The following UBTD1 variants were observed in gnomAD, a reference collection of about 807,000 sequenced individuals.
The protein encoded by UBTD1 is ubiquitin domain-containing protein 1.
In UBTD1, 19 loss-of-function variants were observed where a neutral mutation model predicts 21.7. The observed-to-expected ratio is 0.87, with a 90% CI of 0.61 to 1.28. The LOEUF (loss-of-function observed/expected upper bound fraction) is 1.28. Among genes scored for constraint, UBTD1 ranks in the 50% most tolerant of loss-of-function variants. The probability of loss-of-function intolerance (pLI) is 0.00; values close to 1 mark genes in which losing one functional copy is unlikely to be tolerated. For synonymous variants in UBTD1, 116 were observed against 135.1 expected (o/e 0.86, Z 0.98); for missense variants, 282 against 315.1 (o/e 0.89, Z 0.80).
chr10:97,511,308 G>T (rs1010578805), intron 1 of UBTD1, among the ~76,000 whole-genome samples: 3 of 152,138 alleles, frequency 2.0e-5, no homozygotes, highest in Non-Finnish European at 2.9e-5. Context: ...GAGGTTCAGT[G>T]ATGTTAACTG....
At chr10:97,514,747 T>A (rs1393156978) in intron 1 of UBTD1, among the ~76,000 whole-genome samples, 1 of 152,058 alleles carries the variant, frequency 6.6e-6, no homozygotes, top group African/African-American at 2.4e-5. Flanking sequence ...GGAGGGGAAT[T>A]TTGCACCGTT....
chr10:97,555,139 G>T (rs2040658074), intron 1 of UBTD1, among the ~76,000 whole-genome samples: 2 of 152,172 alleles, frequency 1.3e-5, no homozygotes, highest in Non-Finnish European at 1.5e-5. Context: ...AGAGGCAGAA[G>T]TCCCATACCC....
intron 1 of UBTD1, among the ~76,000 whole-genome samples, chr10:97,514,554 A>C (rs2040436339): frequency 6.6e-6 from 1 of 152,186 alleles, no homozygotes; most frequent in Admixed American, 6.5e-5. Context: ...CACGTTGTTC[A>C]GGCCGGTTAG....
At chr10:97,551,225 T>C (rs1572860) in intron 1 of UBTD1, among the ~76,000 whole-genome samples, 41,503 of 151,944 alleles carry the variant, frequency 0.27, 5,955 homozygotes, top group East Asian at 0.49. Flanking sequence ...TACACAGACA[T>C]ATACATTCTC....
rs376252505 is a variant in UBTD1 at position 97,531,171 on chromosome 10, G to A, written c.70+31898G>A. Among the ~76,000 whole-genome samples, 12 of 151,016 alleles carry A rather than the reference G, an allele frequency of 7.9e-5. No homozygotes were observed. In the East Asian group the frequency reaches 2.2e-3, roughly 27 times the overall value. On this transcript the variant is annotated intron_variant, in intron 1 of 2. Transcript: ENST00000370664. ...CAAAGTGCTGGGATTACAGGCATGA[G>A]CCACTGCGCCCAGCCTATTTTTTTT... is the stretch of plus-strand genomic sequence containing the variant.
chr10:97,557,557 T>C (rs2040670605), intron 1 of UBTD1, among the ~76,000 whole-genome samples: 1 of 152,208 alleles, frequency 6.6e-6, no homozygotes, highest in Non-Finnish European at 1.5e-5. Flanking sequence ...TACTTATTTT[T>C]TTTTACTGTG....
At chr10:97,508,688 C>A (rs996654998) in intron 1 of UBTD1, among the ~76,000 whole-genome samples, 8 of 152,134 alleles carry the variant, frequency 5.3e-5, no homozygotes, top group Admixed American at 3.3e-4. Flanking sequence ...GTCCCTTCTT[C>A]CTTTAATTTC....
At chr10:97,514,564 G>A (rs1377575852) in intron 1 of UBTD1, among the ~76,000 whole-genome samples, 1 of 152,186 alleles carries the variant, frequency 6.6e-6, no homozygotes, top group Non-Finnish European at 1.5e-5. Flanking sequence ...AGGCCGGTTA[G>A]CATCGCCCTT....
intron 1 of UBTD1, among the ~76,000 whole-genome samples, chr10:97,506,390 G>A (rs1025836703): frequency 1.8e-4 from 27 of 152,206 alleles, no homozygotes; most frequent in Non-Finnish European, 3.1e-4. Context: ...GTTGGGCTTT[G>A]GGGGTTCATG....
intron 1 of UBTD1, among the ~76,000 whole-genome samples, chr10:97,506,951 T>C (rs542064761): frequency 1.5e-3 from 221 of 152,364 alleles, no homozygotes; most frequent in African/African-American, 5.0e-3. Context: ...CTATTGTAAA[T>C]AATACTGCTG....
intron 1 of UBTD1, among the ~76,000 whole-genome samples, chr10:97,533,142 A>G (rs2040541053): frequency 2.6e-5 from 4 of 152,200 alleles, no homozygotes; most frequent in Admixed American, 2.6e-4. Context: ...CAGCCTCAGC[A>G]GTTCTTGACC....
Position 97,499,243 on chromosome 10 carries a change from G to C in UBTD1, c.40G>C (p.Ala14Pro). The change falls in exon 1 of 3, where the codon GCA becomes CCA. Residue 14 changes from alanine to proline, a missense_variant. Transcript: ENST00000370664. ...GGGGAGACAGCGCCGGGAGAGGCCG[G>C]CAGCCCCGGGACACCCCCGCAAGCG... is the stretch of plus-strand genomic sequence containing the variant. ...CVGRQRRERP[A>P]APGHPRKRAG... is the part of the protein sequence containing the mutation. 6.5e-7 allele frequency: 1 copy of C among 1,548,342 alleles called. No homozygotes were observed. Among genetic ancestry groups the C allele is most frequent in the African/African-American group, 1.4e-5 (1 of 72,810 alleles).
At chr10:97,523,677 T>C (rs952009751) in intron 1 of UBTD1, among the ~76,000 whole-genome samples, 20 of 151,966 alleles carry the variant, frequency 1.3e-4, no homozygotes, top group African/African-American at 4.6e-4. Flanking sequence ...GGGAAGATGA[T>C]TTGGGCACCT....
Position 97,541,884 on chromosome 10 carries a change from G to A in UBTD1, c.71-26030G>A, listed in dbSNP as rs553779535. Among the ~76,000 whole-genome samples the A allele has an allele frequency of 1.7e-3, 262 of 151,950 alleles. 1 individual carries two copies. Among genetic ancestry groups the A allele is most frequent in the Admixed American group, 9.9e-3 (151 of 15,242 alleles). On this transcript the variant is annotated intron_variant, in intron 1 of 2. Transcript: ENST00000370664. ...CGAGTAGCTGGCATTACAGGCGCCT[G>A]CCACCACACCCAGTTGATTTTTTGT...
Position 97,570,663 on chromosome 10 carries a change from T to G in UBTD1, c.*140T>G. On this transcript the variant is annotated 3_prime_UTR_variant, in exon 3 of 3. Coordinates refer to ENST00000370664, the MANE Select transcript of UBTD1 (RefSeq NM_024954.5). The surrounding 1 kb of genome is among the most constrained non-coding windows in gnomAD (Gnocchi z 6.6). Reference sequence around the variant, plus strand: ...GGTGAGCCGTGAAGGGACCCTGCCTTTCAGGGCACTACGCGCCACCAGTTC... The same window carrying G: ...GGTGAGCCGTGAAGGGACCCTGCCTGTCAGGGCACTACGCGCCACCAGTTC... 9.3e-7 allele frequency: 1 copy of G among 1,070,980 alleles called. No homozygotes were observed. The highest frequency in any genetic ancestry group is 1.3e-6 in the Non-Finnish European group (1 of 748,458). The allele number at this position is 1,070,980 out of a possible 1,614,324, so 66.3% of individuals were successfully genotyped here.
At chr10:97,524,418 C>A (rs561181632) in intron 1 of UBTD1, among the ~76,000 whole-genome samples, 11 of 152,164 alleles carry the variant, frequency 7.2e-5, no homozygotes, top group Non-Finnish European at 1.5e-4. Context: ...GAGTTTTTAC[C>A]CTGACTGGCA....
At chr10:97,559,407 G>A (rs7089538) in intron 1 of UBTD1, among the ~76,000 whole-genome samples, 4,772 of 152,290 alleles carry the variant, frequency 0.031, 219 homozygotes, top group African/African-American at 0.099. Context: ...TTGCATCTTG[G>A]TGTGCTGTCT....
At chr10:97,519,799 AG>A (rs910513474) in intron 1 of UBTD1, among the ~76,000 whole-genome samples, 4 of 152,194 alleles carry the variant, frequency 2.6e-5, no homozygotes, top group Admixed American at 1.3e-4. Flanking sequence ...GTTGATTAAA[AG>A]GGGGTATGTG....
At chr10:97,511,739 C>A (rs10732780) in intron 1 of UBTD1, among the ~76,000 whole-genome samples, 111,395 of 151,556 alleles carry the variant, frequency 0.74, 43,446 homozygotes, top group East Asian at 0.91. Context: ...ATTTCCTAAG[C>A]CTTCACAGCA....
Sources: gnomAD v4.1 joint callset for allele counts (sites outside exome capture counted in the v4.1 genomes callset) on GRCh38, gnomAD v4.1.1 for gene constraint, Gnocchi (gnomAD v3.1) non-coding constraint, MANE v1.5 for transcripts, NCBI Gene and HGNC (gene_info 2026-07-23, HGNC 2026-07-21) for gene names.